Variants in ATP8B4 observed in about 807,000 individuals in gnomAD.
ATP8B4 encodes the protein ATPase phospholipid transporting 8B4 (putative).
In ATP8B4, 133 loss-of-function variants were observed where a neutral mutation model predicts 145.6. The observed-to-expected ratio is 0.91, with a 90% CI of 0.79 to 1.05. The LOEUF is 1.05. Ranked by LOEUF, ATP8B4 falls within the 50% of genes least tolerant of loss-of-function variation. The probability of loss-of-function intolerance (pLI) is 0.00; values close to 1 mark genes in which losing one functional copy is unlikely to be tolerated. For missense variants in ATP8B4, 1,458 were observed against 1,425.2 expected, an observed-to-expected ratio of 1.02 and a Z score of -0.37; for synonymous variants, 507 against 492.9, an observed-to-expected ratio of 1.03 and a Z score of -0.38.
intron 10 of ATP8B4, among the ~76,000 whole-genome samples, chr15:49,985,962 A>G (rs748104437): frequency 7.2e-5 from 11 of 152,216 alleles, no homozygotes; most frequent in Admixed American, 2.6e-4. Context: ...TAATAACAAT[A>G]AATAAAAAAT....
chr15:50,090,476 C>T (rs2055536337), intron 2 of ATP8B4, among the ~76,000 whole-genome samples: 1 of 152,154 alleles, frequency 6.6e-6, no homozygotes, highest in African/African-American at 2.4e-5. Flanking sequence ...TAGTGCCACC[C>T]CTGTCAAAGG....
intron 3 of ATP8B4, among the ~76,000 whole-genome samples, chr15:50,073,021 C>T (rs71394988): frequency 0.04 from 1,066 of 26,712 alleles, 3 homozygotes; most frequent in African/African-American, 0.06. Context: ...TATATATATA[C>T]ACACACACAC....
intron 3 of ATP8B4, among the ~76,000 whole-genome samples, chr15:50,054,099 G>A (rs2052396708): frequency 1.3e-5 from 2 of 152,178 alleles, no homozygotes; most frequent in Non-Finnish European, 2.9e-5. Flanking sequence ...TAATTCAACT[G>A]TATCAAGAAA....
At chr15:50,169,167 CA>C (rs1188236951) in intron 1 of ATP8B4, among the ~76,000 whole-genome samples, 2 of 152,208 alleles carry the variant, frequency 1.3e-5, no homozygotes, top group Admixed American at 6.5e-5. Context: ...AGTCCGTCTC[CA>C]CACTACTACA....
chr15:50,177,446 G>A (rs531440844), intron 1 of ATP8B4, among the ~76,000 whole-genome samples: 1 of 152,222 alleles, frequency 6.6e-6, no homozygotes, highest in East Asian at 1.9e-4. Context: ...CCACCTATGC[G>A]ATGGGTTTAT....
At chr15:50,181,059 C>T (rs1290525459) in intron 1 of ATP8B4, among the ~76,000 whole-genome samples, 1 of 152,198 alleles carries the variant, frequency 6.6e-6, no homozygotes, top group Admixed American at 6.5e-5. Context: ...CCGGCTGTCT[C>T]AATTCACCTA....
intron 6 of ATP8B4, among the ~76,000 whole-genome samples, chr15:50,027,311 C>A (rs991045964): frequency 6.6e-6 from 1 of 152,002 alleles, no homozygotes; most frequent in Non-Finnish European, 1.5e-5. Flanking sequence ...TCCTAATAGT[C>A]CATGTGTCCG....
intron 10 of ATP8B4, among the ~76,000 whole-genome samples, chr15:49,985,748 G>C (rs552353122): frequency 5.3e-4 from 80 of 152,214 alleles, no homozygotes; most frequent in Non-Finnish European, 8.8e-4. Context: ...CAGGCTGGGT[G>C]CTCTGAATTA....
intron 17 of ATP8B4, among the ~76,000 whole-genome samples, 194 bp from the exon 18 acceptor site, chr15:49,920,604 C>G (rs191758666): frequency 8.2e-4 from 125 of 152,310 alleles, no homozygotes; most frequent in African/African-American, 2.9e-3. Flanking sequence ...CGTTTTATTT[C>G]TATGAGGTTA....
At chr15:49,938,039 G>A (rs927052764) in intron 14 of ATP8B4, among the ~76,000 whole-genome samples, 1 of 152,076 alleles carries the variant, frequency 6.6e-6, no homozygotes, top group Non-Finnish European at 1.5e-5. Context: ...AAGGAAGAGA[G>A]GTGTCAGGAA....
chr15:49,907,664 T>C (rs541938211), intron 20 of ATP8B4, among the ~76,000 whole-genome samples: 1 of 152,348 alleles, frequency 6.6e-6, no homozygotes, highest in South Asian at 2.1e-4. Flanking sequence ...AGAGTAGATA[T>C]TTGTATCCCC....
intron 1 of ATP8B4, among the ~76,000 whole-genome samples, chr15:50,165,327 A>T (rs553908435): frequency 1.3e-5 from 2 of 152,336 alleles, no homozygotes; most frequent in South Asian, 4.1e-4. Flanking sequence ...TGCTGGGATT[A>T]TAGGCATGAG....
intron 2 of ATP8B4, among the ~76,000 whole-genome samples, chr15:50,094,416 A>T (rs2055820659): frequency 6.6e-6 from 1 of 152,016 alleles, no homozygotes; most frequent in African/African-American, 2.4e-5. Context: ...GCCAACTGCA[A>T]ATCAGGACTT....
chr15:50,176,861 T>G (rs907383129), intron 1 of ATP8B4, among the ~76,000 whole-genome samples: 7 of 152,234 alleles, frequency 4.6e-5, no homozygotes, highest in African/African-American at 7.2e-5. Flanking sequence ...TGCAAGGGTT[T>G]CCTGCTCTGT....
intron 6 of ATP8B4, among the ~76,000 whole-genome samples, chr15:50,017,447 T>A (rs182642388): frequency 9.3e-4 from 141 of 152,324 alleles, no homozygotes; most frequent in Admixed American, 2.3e-3. Flanking sequence ...AATCAGAGAA[T>A]TCACTCTTAC....
At chr15:49,994,647 G>C (rs940112848) in intron 9 of ATP8B4, among the ~76,000 whole-genome samples, 1 of 151,940 alleles carries the variant, frequency 6.6e-6, no homozygotes, top group African/African-American at 2.4e-5. Flanking sequence ...GCCAAGCAGG[G>C]TATGGTGGAT....
chr15:49,915,308 T>C (rs923243921), intron 20 of ATP8B4, among the ~76,000 whole-genome samples: 4 of 152,108 alleles, frequency 2.6e-5, no homozygotes, highest in Non-Finnish European at 5.9e-5. Context: ...GAAGGTTGTA[T>C]GGGTGGGAAT....
Position 50,104,361 on chromosome 15 carries a change from G to T in ATP8B4, c.28+2578C>A, listed in dbSNP as rs535970452. Among the ~76,000 whole-genome samples the T allele has an allele frequency of 4.0e-5, 6 of 151,878 alleles. No individual in the cohort carries two copies. The South Asian group carries it at 1.2e-3, about 32-fold the overall frequency. The stretch of plus-strand genomic sequence containing the variant: ...AAAGACTAATATCCAGAATCTACAA[G>T]GAACTCAAACAAATCAGCAAGAAAA... On this transcript the variant is annotated intron_variant, in intron 2 of 27. Transcript: ENST00000284509.
At chr15:49,930,445 C>G (rs2153464356) in intron 16 of ATP8B4, among the ~76,000 whole-genome samples, 1 of 152,196 alleles carries the variant, frequency 6.6e-6, no homozygotes, top group Admixed American at 6.6e-5. Context: ...GTGACATTGA[C>G]ACAGCACTAA....
Sources: allele counts gnomAD v4.1 joint callset (sites outside exome capture counted in the v4.1 genomes callset), GRCh38; gene constraint gnomAD v4.1.1; transcripts MANE v1.5; gene names NCBI Gene and HGNC (gene_info 2026-07-23, HGNC 2026-07-21).